Variants in DIPK2A observed in about 807,000 individuals in gnomAD.
The protein encoded by DIPK2A is Golgi Protein of 49 kDa.
A neutral mutation model predicts 39.0 loss-of-function variants in DIPK2A; 27 were observed. The ratio of observed to expected loss-of-function variants is 0.69; its 90% CI spans 0.51 to 0.96. The LOEUF (loss-of-function observed/expected upper bound fraction) is 0.96, where lower values mean the gene tolerates loss of function less well. Among genes scored for constraint, DIPK2A ranks in the 40% least tolerant of loss-of-function variants. The pLI, the probability that DIPK2A is intolerant of heterozygous loss-of-function variation, is 0.00. For missense variants in DIPK2A, 528 were observed against 571.3 expected (o/e 0.92, Z 0.77); for synonymous variants, 298 against 240.8 (o/e 1.24, Z -2.20).
In DIPK2A at chr3:143,990,843, A is replaced by C. The variant is rs2087974918; in HGVS notation, c.*1002A>C. 1 of 152,602 alleles carries C rather than the reference A, an allele frequency of 6.6e-6. No homozygotes were observed. Among genetic ancestry groups the C allele is most frequent in the Admixed American group, 6.5e-5 (1 of 15,288 alleles). The allele number at this position is 152,602 out of a possible 1,614,324, so 9.5% of individuals were successfully genotyped here. On this transcript the variant is annotated 3_prime_UTR_variant, in exon 3 of 3. Coordinates refer to ENST00000315691, the MANE Select transcript of DIPK2A (RefSeq NM_173552.5). The stretch of plus-strand genomic sequence containing the variant: ...CAGTATTTTAGCTCTGTCATTATTA[A>C]ATTCAGATCTTCCTGATTATTTTTT...
chr3:143,978,652 A>AC (rs2087778011), intron 1 of DIPK2A: 1 of 50,662 alleles, frequency 2.0e-5, no homozygotes, highest in Non-Finnish European at 3.8e-5. Context: ...ATATATATAT[A>AC]TATATATCTA....
Position 143,992,180 on chromosome 3 carries a change from C to G in DIPK2A, c.*2339C>G, listed in dbSNP as rs1205707280. Reference sequence around the variant, plus strand: ...GCAATTTATATTTTTAATCATTGCCCATTAATAGACGCAGTAAAATATTTT... The same window carrying G: ...GCAATTTATATTTTTAATCATTGCCGATTAATAGACGCAGTAAAATATTTT... On this transcript the variant is annotated 3_prime_UTR_variant, in exon 3 of 3. Transcript: ENST00000315691. 6.6e-6 allele frequency: 1 copy of G among 152,460 alleles called. No individual in the cohort carries two copies. Among genetic ancestry groups the G allele is most frequent in the Non-Finnish European group, 1.5e-5 (1 of 68,014 alleles). The allele number at this position is 152,460 out of a possible 1,614,324, so 9.4% of individuals were successfully genotyped here.
At chr3:143,980,374 T>C (rs775509846) in intron 1 of DIPK2A, among the ~76,000 whole-genome samples, 15 of 152,080 alleles carry the variant, frequency 9.9e-5, no homozygotes, top group Non-Finnish European at 1.9e-4. Context: ...TTCAAGCAAT[T>C]CTCCTGCCTC....
chr3:143,977,254 A>G (rs933652655), intron 1 of DIPK2A, among the ~76,000 whole-genome samples: 5 of 152,088 alleles, frequency 3.3e-5, no homozygotes, highest in Non-Finnish European at 7.4e-5. Flanking sequence ...TTATAAAATG[A>G]AGCTATTGGA....
Position 143,989,606 on chromosome 3 carries a change from G to C in DIPK2A, c.1058G>C (p.Arg353Pro), listed in dbSNP as rs201605316. The C allele has an allele frequency of 1.9e-6, 3 of 1,614,132 alleles. No homozygotes were observed. The highest frequency in any genetic ancestry group is 2.5e-6 in the Non-Finnish European group (3 of 1,180,002). Residue 353 changes from arginine to proline, a missense_variant, in exon 3 of 3, where the codon CGT (arginine) becomes CCT (proline). Physicochemically the swap from Arg to Pro is moderately radical, Grantham distance 103 (BLOSUM62 -2). Coordinates refer to ENST00000315691, the MANE Select transcript of DIPK2A (RefSeq NM_173552.5). ...TTTTCAAAAGAAATTCTTTGTGCTC[G>C]TGCCACTGTGGACCACAATTACTAT... ...LSFSKEILCA[R>P]ATVDHNYYAV...
intron 1 of DIPK2A, among the ~76,000 whole-genome samples, chr3:143,979,184 A>G (rs1018058925): frequency 6.6e-6 from 1 of 152,142 alleles, no homozygotes; most frequent in African/African-American, 2.4e-5. Flanking sequence ...GTCCTTACAT[A>G]TACGTAAATC....
rs2087659269 is a variant in DIPK2A, at chr3:143,972,196, C to A, written c.-137C>A. 1 of 726,000 alleles carries A rather than the reference C, an allele frequency of 1.4e-6. No individual in the cohort carries two copies. Among genetic ancestry groups the A allele is most frequent in the Non-Finnish European group, 2.0e-6 (1 of 498,722 alleles). The allele number at this position is 726,000 out of a possible 1,614,324, so 45.0% of individuals were successfully genotyped here. ...CTCCCCGTCTTCCTCTCTCACACAC[C>A]TACTCCGCCCTCCGCCCCAGCCCGC... On this transcript the variant is annotated 5_prime_UTR_variant, in exon 1 of 3. Transcript: ENST00000315691.
At chr3:143,974,123 T>G (rs561542469) in intron 1 of DIPK2A, among the ~76,000 whole-genome samples, 11 of 150,212 alleles carry the variant, frequency 7.3e-5, no homozygotes, top group Non-Finnish European at 1.2e-4. Context: ...GTACAGGGTT[T>G]TTTTTTTTTT....
At chr3:143,974,687 G>A (rs555157609) in intron 1 of DIPK2A, among the ~76,000 whole-genome samples, 1 of 152,160 alleles carries the variant, frequency 6.6e-6, no homozygotes, top group East Asian at 1.9e-4. Context: ...AAATGCTGGC[G>A]TCCCTACCGA....
At chr3:143,978,913 T>C (rs2087789421) in intron 1 of DIPK2A, among the ~76,000 whole-genome samples, 1 of 151,808 alleles carries the variant, frequency 6.6e-6, no homozygotes, top group South Asian at 2.1e-4. Flanking sequence ...GATTCTAAGT[T>C]TTTTTAATCA....
At chr3:143,986,923 G>A (rs894920449) in intron 2 of DIPK2A, among the ~76,000 whole-genome samples, 2 of 151,978 alleles carry the variant, frequency 1.3e-5, no homozygotes, top group African/African-American at 4.8e-5. Context: ...ACAAACAAAG[G>A]CTGAAAATTT....
At position 143,972,087 on chromosome 3, in the gene DIPK2A, G is replaced by C. The variant is rs936381292; in HGVS notation, c.-246G>C. 1 of 386,366 alleles carries C rather than the reference G, an allele frequency of 2.6e-6. No individual in the cohort carries two copies. The highest frequency in any genetic ancestry group is 4.6e-6 in the Non-Finnish European group (1 of 219,056). The allele number at this position is 386,366 out of a possible 1,614,324, so 23.9% of individuals were successfully genotyped here. A position where few individuals can be genotyped will look rare whatever the true frequency, so the allele number is the denominator to read the frequency against. ...GGAGGCGCCGCCGGAGTCGGAGGGC[G>C]GGGAGCTAGGAGGAGGGAGCTCGAG... On this transcript the variant is annotated 5_prime_UTR_variant, in exon 1 of 3. Coordinates refer to ENST00000315691, the MANE Select transcript of DIPK2A (RefSeq NM_173552.5).
At chr3:143,978,960 GT>G (rs528280447) in intron 1 of DIPK2A, among the ~76,000 whole-genome samples, 269 of 151,990 alleles carry the variant, frequency 1.8e-3, no homozygotes, top group African/African-American at 6.1e-3. Context: ...TAACAGGATT[GT>G]TTTAAAGATT....
intron 1 of DIPK2A, among the ~76,000 whole-genome samples, chr3:143,981,852 C>T (rs1009860886): frequency 1.3e-5 from 2 of 152,124 alleles, no homozygotes; most frequent in Admixed American, 1.3e-4. Context: ...TTCTTACTAC[C>T]TGTGTGACTT....
At position 143,989,586 on chromosome 3, in the gene DIPK2A, A is replaced by C. The variant is rs1352071945; in HGVS notation, c.1038A>C (p.Ser346=). The change falls in exon 3 of 3, where the codon TCA becomes TCC. Residue 346 remains serine (S), a synonymous_variant. Transcript: ENST00000315691. ...DCDKEACLSF[S]KEILCARATV... is the part of the protein sequence containing the mutation. ...ATAAGGAGGCTTGCTTATCATTTTCAAAAGAAATTCTTTGTGCTCGTGCCA... is the reference window on the plus strand; with the variant it reads ...ATAAGGAGGCTTGCTTATCATTTTCCAAAGAAATTCTTTGTGCTCGTGCCA... 3.1e-6 allele frequency: 5 copies of C among 1,614,094 alleles called. No homozygotes were observed. In the African/African-American group the frequency reaches 6.7e-5, roughly 22 times the overall value.
intron 1 of DIPK2A, among the ~76,000 whole-genome samples, chr3:143,980,074 T>TC (rs2087805502): frequency 6.6e-6 from 1 of 152,180 alleles, no homozygotes; most frequent in African/African-American, 2.4e-5. Flanking sequence ...CATTAAATCA[T>TC]CCCCGTAATT....
rs1448892725 is a variant in DIPK2A at position 143,989,872 on chromosome 3, T to G, written c.*31T>G. 1.3e-6 allele frequency: 2 copies of G among 1,549,414 alleles called. No homozygotes were observed. Among genetic ancestry groups the G allele is most frequent in the Middle Eastern group, 1.7e-4 (1 of 5,878 alleles). On this transcript the variant is annotated 3_prime_UTR_variant, in exon 3 of 3. Transcript: ENST00000315691. The stretch of plus-strand genomic sequence containing the variant: ...GGTGAACTTTTCTTTTTTTCTCCAT[T>G]TAAACAGCACTGGCTAAAACTAAAC...
rs1249166200 is a variant in DIPK2A, at chr3:143,989,889, A to C, written c.*48A>C. The stretch of plus-strand genomic sequence containing the variant: ...TTCTCCATTTAAACAGCACTGGCTA[A>C]AACTAAACCACCAAAAAACGATCTG... On this transcript the variant is annotated 3_prime_UTR_variant, in exon 3 of 3. Transcript: ENST00000315691. 3.5e-6 allele frequency: 5 copies of C among 1,425,330 alleles called. No individual in the cohort carries two copies. Among genetic ancestry groups the C allele is most frequent in the Non-Finnish European group, 4.8e-6 (5 of 1,038,762 alleles). The allele number at this position is 1,425,330 out of a possible 1,614,324, so 88.3% of individuals were successfully genotyped here. A position where few individuals can be genotyped will look rare whatever the true frequency, so the allele number is the denominator to read the frequency against.
rs868218942 is a variant in DIPK2A, at chr3:143,986,039, C to A, written c.961+193C>A. 7.1e-6 allele frequency: 4 copies of A among 564,860 alleles called. No homozygotes were observed. The Middle Eastern group carries it at 1.4e-3, about 195-fold the overall frequency. 35.0% of individuals were successfully genotyped at this position (564,860 alleles called of 1,614,324 possible). A position where few individuals can be genotyped will look rare whatever the true frequency, so the allele number is the denominator to read the frequency against. On this transcript the variant is annotated intron_variant, in intron 2 of 2. Transcript: ENST00000315691. ...TTACTGGGGGTTACATCTTGATAAA[C>A]CCGGTGTCAGTTGAAAATATTGTTA...
Sources: gnomAD v4.1 joint callset for allele counts (sites outside exome capture counted in the v4.1 genomes callset) on GRCh38, gnomAD v4.1.1 for gene constraint, MANE v1.5 for transcripts, NCBI Gene and HGNC (gene_info 2026-07-23, HGNC 2026-07-21) for gene names.